Variants in PRKN observed in about 807,000 individuals in gnomAD.
The protein encoded by PRKN is parkin RBR E3 ubiquitin protein ligase, also known as E3 ubiquitin-protein ligase parkin.
In PRKN, 56 loss-of-function variants were observed where a neutral mutation model predicts 59.5. The observed-to-expected ratio is 0.94, with a 90% CI of 0.76 to 1.18. PRKN has a LOEUF of 1.18. PRKN is among the 50% of genes most tolerant of loss of function. The pLI is 0.00. For missense variants in PRKN, 657 were observed against 596.4 expected, an observed-to-expected ratio of 1.10 and a Z score of -1.06; for synonymous variants, 250 against 222.1, an observed-to-expected ratio of 1.13 and a Z score of -1.12.
chr6:162,266,304 GT>G (rs1780131858), intron 2 of PRKN, among the ~76,000 whole-genome samples: 2 of 94,030 alleles, frequency 2.1e-5, no homozygotes, highest in African/African-American at 5.8e-5. Context: ...TATATTGTGT[GT>G]GTGTGTGTGT....
In PRKN at chr6:162,647,006, A is replaced by C. The variant is rs866108182; in HGVS notation, c.7+80656T>G. Among the ~76,000 whole-genome samples the C allele has an allele frequency of 2.6e-5, 4 of 152,300 alleles. No homozygotes were observed. The South Asian group carries it at 8.3e-4, about 32-fold the overall frequency. On this transcript the variant is annotated intron_variant, in intron 1 of 11. Transcript: ENST00000366898. ...GGCTCATAAGTCCACAGCCAAGGAC[A>C]AAAAATACAGAAGTAAAACAAATTT...
chr6:161,403,559 G>C (rs1350354471), intron 9 of PRKN, among the ~76,000 whole-genome samples: 1 of 152,116 alleles, frequency 6.6e-6, no homozygotes, highest in African/African-American at 2.4e-5. Flanking sequence ...GGCAGTGCAG[G>C]GCCTCAGGGC....
intron 7 of PRKN, among the ~76,000 whole-genome samples, chr6:161,610,263 G>C (rs967503675): frequency 1.3e-5 from 2 of 151,902 alleles, no homozygotes; most frequent in Non-Finnish European, 2.9e-5. Context: ...CTGACTCTGG[G>C]GGCAAAGCCG....
intron 2 of PRKN, among the ~76,000 whole-genome samples, chr6:162,393,018 A>ATGCTTGGC (rs1562728166): frequency 2.0e-5 from 3 of 152,072 alleles, no homozygotes; most frequent in Non-Finnish European, 4.4e-5. Flanking sequence ...TGCTTGGCTC[A>ATGCTTGGC]AGCTCTGCGC....
chr6:161,827,218 G>A (rs1792283079), intron 6 of PRKN, among the ~76,000 whole-genome samples: 1 of 152,178 alleles, frequency 6.6e-6, no homozygotes, highest in Non-Finnish European at 1.5e-5. Flanking sequence ...AGCTATGGAA[G>A]GGGCTCTGTT....
At chr6:161,819,746 C>T (rs1412991474) in intron 6 of PRKN, among the ~76,000 whole-genome samples, 3 of 152,126 alleles carry the variant, frequency 2.0e-5, no homozygotes, top group Non-Finnish European at 2.9e-5. Context: ...GATTAAGGCA[C>T]ATCACATTTT....
intron 1 of PRKN, among the ~76,000 whole-genome samples, chr6:162,594,854 C>T (rs1296377071): frequency 1.3e-5 from 2 of 152,184 alleles, no homozygotes; most frequent in Non-Finnish European, 2.9e-5. Context: ...TTTCTTAGAG[C>T]TTATTTTCTC....
chr6:162,043,567 A>G (rs573408610), intron 5 of PRKN, among the ~76,000 whole-genome samples: 135 of 152,360 alleles, frequency 8.9e-4, no homozygotes, highest in African/African-American at 3.2e-3. Flanking sequence ...AGTTACAGAC[A>G]GAATCCCAAA....
chr6:162,621,431 T>C (rs1583924537), intron 1 of PRKN, among the ~76,000 whole-genome samples: 2 of 152,190 alleles, frequency 1.3e-5, no homozygotes, highest in South Asian at 4.1e-4. Context: ...GATAACGGCA[T>C]GTGAGTTCAC....
chr6:161,935,155 T>C (rs1779307816), intron 6 of PRKN, among the ~76,000 whole-genome samples: 1 of 152,100 alleles, frequency 6.6e-6, no homozygotes, highest in Admixed American at 6.6e-5. Context: ...AGAAAATGCA[T>C]ATTATAGAAA....
chr6:162,274,606 C>T (rs111277172), intron 2 of PRKN, among the ~76,000 whole-genome samples: 1 of 152,292 alleles, frequency 6.6e-6, no homozygotes, highest in African/African-American at 2.4e-5. Flanking sequence ...TCTCTAATTT[C>T]ACAACATTTT....
Position 162,201,930 on chromosome 6 carries a change from A to G in PRKN, c.413-678T>C, listed in dbSNP as rs143009072. ...GAACAAACAACTAATTCAATAGTTC[A>G]ATCTCAGATCATTTCTCTCAACTGT... is the stretch of plus-strand genomic sequence containing the variant. On this transcript the variant is annotated intron_variant, in intron 3 of 11. Coordinates refer to ENST00000366898, the MANE Select transcript of PRKN (RefSeq NM_004562.3). 1.2e-3 allele frequency among the ~76,000 whole-genome samples: 184 copies of G among 152,298 alleles called. 1 individual carries two copies. The highest frequency in any genetic ancestry group is 4.3e-3 in the African/African-American group (179 of 41,574).
chr6:162,386,979 C>A (rs966907010), intron 2 of PRKN, among the ~76,000 whole-genome samples: 2 of 152,006 alleles, frequency 1.3e-5, no homozygotes, highest in African/African-American at 2.4e-5. Flanking sequence ...ATGTAAATAC[C>A]TTGTTCTCTG....
At chr6:162,105,710 T>C (rs1340843041) in intron 4 of PRKN, among the ~76,000 whole-genome samples, 1 of 152,204 alleles carries the variant, frequency 6.6e-6, no homozygotes, top group Non-Finnish European at 1.5e-5. Context: ...CAGATATTCT[T>C]AACTATAACA....
At position 162,131,000 on chromosome 6, in the gene PRKN, G is replaced by A. The variant is rs1781330319; in HGVS notation, c.534+70131C>T. ...CCCTCCCTTTTGCTCTACGATGCCC[G>A]AGTTCAAAATACTTTTCTTAAAATT... On this transcript the variant is annotated intron_variant, in intron 4 of 11. Transcript: ENST00000366898. 3.3e-5 allele frequency among the ~76,000 whole-genome samples: 5 copies of A among 152,002 alleles called. No homozygotes were observed. The South Asian group carries it at 8.3e-4, about 25-fold the overall frequency.
intron 2 of PRKN, among the ~76,000 whole-genome samples, chr6:162,396,184 T>C (rs557309342): frequency 6.6e-6 from 1 of 152,328 alleles, no homozygotes; most frequent in East Asian, 1.9e-4. Flanking sequence ...TTTGTTTGTA[T>C]ATGTACTAAA....
At chr6:162,227,380 T>C (rs1229614798) in intron 3 of PRKN, among the ~76,000 whole-genome samples, 2 of 151,702 alleles carry the variant, frequency 1.3e-5, no homozygotes, top group African/African-American at 2.4e-5. Context: ...TTTAGCTACT[T>C]TTTTTTTCTC....
chr6:162,696,256 G>A (rs568895487), intron 1 of PRKN, among the ~76,000 whole-genome samples: 6 of 152,110 alleles, frequency 3.9e-5, no homozygotes, highest in Non-Finnish European at 7.4e-5. Context: ...ACTAAAATCC[G>A]TTTTTGAGAC....
intron 6 of PRKN, among the ~76,000 whole-genome samples, chr6:161,937,239 T>C (rs1046514688): frequency 3.9e-5 from 6 of 152,386 alleles, no homozygotes; most frequent in African/African-American, 1.4e-4. Context: ...GTCTGGATCT[T>C]GACAGAGATT....
Sources: gnomAD v4.1 joint callset for allele counts (sites outside exome capture counted in the v4.1 genomes callset) on GRCh38, gnomAD v4.1.1 for gene constraint, MANE v1.5 for transcripts, NCBI Gene and HGNC (gene_info 2026-07-23, HGNC 2026-07-21) for gene names.